CAMTA1: variants seen among roughly 807,000 people sequenced by gnomAD.
CAMTA1 encodes calmodulin binding transcription activator 1.
Under a neutral mutation model 170.9 loss-of-function variants are expected in CAMTA1, and 27 were observed. That is an observed-to-expected ratio of 0.16 (90% confidence interval 0.12 to 0.22). CAMTA1 has a LOEUF of 0.22. Among genes scored for constraint, CAMTA1 ranks in the 10% least tolerant of loss-of-function variants. CAMTA1 has a pLI of 1.00. For missense variants in CAMTA1, 1,619 were observed against 2,217.2 expected, an observed-to-expected ratio of 0.73 and a Z score of 5.42; for synonymous variants, 833 against 891.5, an observed-to-expected ratio of 0.93 and a Z score of 1.17.
chr1:7,746,163 G>T, intron 18 of CAMTA1, 72 bp downstream of exon 18: 1 of 1,528,738 alleles, frequency 6.5e-7, no homozygotes, highest in African/African-American at 1.4e-5. Context: ...TCAGAATCAT[G>T]CGAACAAAAA....
At chr1:7,060,287 C>T (rs977829687) in intron 3 of CAMTA1, among the ~76,000 whole-genome samples, 2 of 152,226 alleles carry the variant, frequency 1.3e-5, no homozygotes, top group Admixed American at 6.5e-5. Flanking sequence ...CTCTCCTTGG[C>T]CTGCAGACGG....
intron 4 of CAMTA1, among the ~76,000 whole-genome samples, chr1:7,225,207 C>T (rs1248649736): frequency 3.3e-5 from 5 of 152,164 alleles, no homozygotes; most frequent in African/African-American, 1.2e-4. Flanking sequence ...GCCTCAGCCT[C>T]CCGAGTAGCT....
intron 3 of CAMTA1, among the ~76,000 whole-genome samples, chr1:7,013,239 G>C (rs1385200377): frequency 4.9e-5 from 3 of 60,650 alleles, no homozygotes; most frequent in South Asian, 4.6e-4. Context: ...TTTTGAGATA[G>C]AGTCTCGCCA....
chr1:7,747,136 C>G (rs1237550254), intron 18 of CAMTA1, among the ~76,000 whole-genome samples: 1 of 152,068 alleles, frequency 6.6e-6, no homozygotes. Flanking sequence ...AATGATAATG[C>G]GTATTATTCA....
At chr1:7,627,906 G>A (rs918080428) in intron 6 of CAMTA1, among the ~76,000 whole-genome samples, 21 of 152,240 alleles carry the variant, frequency 1.4e-4, no homozygotes, top group African/African-American at 2.9e-4. Context: ...CAATCATAGC[G>A]GTGGGGGTTA....
At chr1:7,542,329 G>T (rs2094622556) in intron 6 of CAMTA1, among the ~76,000 whole-genome samples, 1 of 151,878 alleles carries the variant, frequency 6.6e-6, no homozygotes, top group Admixed American at 6.6e-5. Context: ...TCACAAAGTT[G>T]ATAATATAAG....
At chr1:6,842,181 C>T (rs543385277) in intron 3 of CAMTA1, among the ~76,000 whole-genome samples, 3 of 152,352 alleles carry the variant, frequency 2.0e-5, no homozygotes, top group African/African-American at 7.2e-5. Flanking sequence ...CACTCCACAA[C>T]ATGCTCACAG....
chr1:6,989,465 C>A, intron 3 of CAMTA1, among the ~76,000 whole-genome samples: 1 of 152,168 alleles, frequency 6.6e-6, no homozygotes, highest in East Asian at 1.9e-4. Flanking sequence ...CAACTTATCT[C>A]TTTAGAACTG....
At chr1:7,337,354 C>T (rs1386526375) in intron 5 of CAMTA1, among the ~76,000 whole-genome samples, 1 of 152,214 alleles carries the variant, frequency 6.6e-6, no homozygotes, top group Admixed American at 6.5e-5. Flanking sequence ...CAATTTGACC[C>T]GGCCGTGGTA....
chr1:7,241,016 G>A (rs1664768466), intron 4 of CAMTA1, among the ~76,000 whole-genome samples: 1 of 152,086 alleles, frequency 6.6e-6, no homozygotes, highest in Non-Finnish European at 1.5e-5. Flanking sequence ...GGAGTCACAG[G>A]TGACTTAATT....
chr1:7,409,098 G>A (rs1276784762), intron 5 of CAMTA1, among the ~76,000 whole-genome samples: 1 of 152,210 alleles, frequency 6.6e-6, no homozygotes, highest in Non-Finnish European at 1.5e-5. Context: ...GAGAGAAGGA[G>A]CTACACATGG....
intron 6 of CAMTA1, among the ~76,000 whole-genome samples, chr1:7,542,928 G>C (rs373615978): frequency 6.6e-6 from 1 of 150,750 alleles, no homozygotes; most frequent in Non-Finnish European, 1.5e-5. Context: ...GCAGTGGCGC[G>C]ATCTCGGCTC....
intron 3 of CAMTA1, among the ~76,000 whole-genome samples, chr1:6,915,544 C>T (rs1680595669): frequency 6.6e-6 from 1 of 152,068 alleles, no homozygotes; most frequent in African/African-American, 2.4e-5. Context: ...CCAAGGTGTT[C>T]AAGAAGGTGG....
At position 7,284,126 on chromosome 1, in the gene CAMTA1, G is replaced by GTTCTTCTTCTTC. The variant is rs202166286; in HGVS notation, c.438+34542_438+34553dup. On this transcript the variant is annotated intron_variant, in intron 5 of 22. Transcript: ENST00000303635. ...AAATGCTGTTTCGGTATTTGCTGCT[G>GTTCTTCTTCTTC]TTCTTCTTCTTCTTCTTCTTCTTCT... 6.4e-3 allele frequency among the ~76,000 whole-genome samples: 689 copies of GTTCTTCTTCTTC among 106,916 alleles called. 3 individuals carry two copies. The highest frequency in any genetic ancestry group is 0.011 in the East Asian group (36 of 3,246). The allele number at this position is 106,916 out of a possible 152,430, so 70.1% of individuals were successfully genotyped here.
chr1:6,803,232 C>G (rs919328803), intron 1 of CAMTA1, among the ~76,000 whole-genome samples: 1 of 152,076 alleles, frequency 6.6e-6, no homozygotes, highest in East Asian at 1.9e-4. Flanking sequence ...TGTTTTGGGT[C>G]GGTAAACATA....
intron 18 of CAMTA1, 114 bp from the exon 19 acceptor site, chr1:7,747,595 TG>T: frequency 1.7e-6 from 1 of 573,314 alleles, no homozygotes; most frequent in Non-Finnish European, 3.0e-6. Flanking sequence ...CAATATTTTT[TG>T]GTAAACCTGG....
At chr1:7,708,230 C>G (rs1368656829) in intron 11 of CAMTA1, among the ~76,000 whole-genome samples, 1 of 152,148 alleles carries the variant, frequency 6.6e-6, no homozygotes, top group Non-Finnish European at 1.5e-5. Flanking sequence ...ACTCAGGAGG[C>G]TGAGGTGGGA....
intron 7 of CAMTA1, among the ~76,000 whole-genome samples, chr1:7,647,865 C>T (rs540044873): frequency 6.6e-6 from 1 of 152,248 alleles, no homozygotes; most frequent in Non-Finnish European, 1.5e-5. Flanking sequence ...AGGAGGGTTA[C>T]TTGAGCCCAG....
At chr1:7,442,133 C>T (rs894484293) in intron 5 of CAMTA1, among the ~76,000 whole-genome samples, 3 of 152,176 alleles carry the variant, frequency 2.0e-5, no homozygotes, top group African/African-American at 7.2e-5. Flanking sequence ...TCCTGAAATT[C>T]ATCTGCATCA....
Sources: gnomAD v4.1 joint callset for allele counts (sites outside exome capture counted in the v4.1 genomes callset) on GRCh38, gnomAD v4.1.1 for gene constraint, MANE v1.5 for transcripts, NCBI Gene and HGNC (gene_info 2026-07-23, HGNC 2026-07-21) for gene names.